The following FHIT variants were observed in gnomAD, a reference collection of about 807,000 sequenced individuals.
The protein encoded by FHIT is bis(5'-adenosyl)-triphosphatase.
A neutral mutation model predicts 17.9 loss-of-function variants in FHIT; 19 were observed. The ratio of observed to expected loss-of-function variants is 1.06; its 90% CI spans 0.74 to 1.56. The LOEUF (loss-of-function observed/expected upper bound fraction) is 1.56. Among genes scored for constraint, FHIT ranks in the 40% most tolerant of loss-of-function variants. The pLI is 0.00. For missense variants in FHIT, 248 were observed against 189.2 expected, an observed-to-expected ratio of 1.31 and a Z score of -1.82; for synonymous variants, 81 against 69.7, an observed-to-expected ratio of 1.16 and a Z score of -0.81.
chr3:60,888,814 T>G, intron 3 of FHIT, among the ~76,000 whole-genome samples: 1 of 152,206 alleles, frequency 6.6e-6, no homozygotes, highest in East Asian at 1.9e-4. Flanking sequence ...ATAGATTCAC[T>G]TGCAGTGGTA....
At chr3:61,123,801 A>C (rs990210647) in intron 2 of FHIT, among the ~76,000 whole-genome samples, 1 of 152,120 alleles carries the variant, frequency 6.6e-6, no homozygotes, top group African/African-American at 2.4e-5. Flanking sequence ...ACATACTCTC[A>C]CCATGGCTGG....
chr3:60,482,905 G>GA (rs1179305748), intron 5 of FHIT, among the ~76,000 whole-genome samples: 1 of 150,996 alleles, frequency 6.6e-6, no homozygotes, highest in Non-Finnish European at 1.5e-5. Context: ...TGGTTTTCTT[G>GA]AAAAAAATAA....
At chr3:60,263,683 G>A (rs533912500) in intron 5 of FHIT, among the ~76,000 whole-genome samples, 40 of 151,920 alleles carry the variant, frequency 2.6e-4, no homozygotes, top group Non-Finnish European at 5.3e-4. Flanking sequence ...AGAGGAGGTG[G>A]AATGCAAAAC....
Position 60,043,610 on chromosome 3 carries a change from C to G in FHIT, c.104-29458G>C, listed in dbSNP as rs564843665. 6.9e-4 allele frequency among the ~76,000 whole-genome samples: 105 copies of G among 152,266 alleles called. 2 individuals are homozygous for G. The highest frequency in any genetic ancestry group is 6.0e-4 in the Non-Finnish European group (41 of 68,016). On this transcript the variant is annotated intron_variant, in intron 5 of 9. Coordinates refer to ENST00000492590, the MANE Select transcript of FHIT (RefSeq NM_002012.4). Reference sequence around the variant, plus strand: ...TAGTGTCTCTTTCAACCTTTTGAACCTGAGCACTTATGACAACTGCCCAGT... The same window carrying G: ...TAGTGTCTCTTTCAACCTTTTGAACGTGAGCACTTATGACAACTGCCCAGT...
At chr3:60,508,052 A>C (rs1267980737) in intron 5 of FHIT, among the ~76,000 whole-genome samples, 2 of 152,174 alleles carry the variant, frequency 1.3e-5, no homozygotes, top group Non-Finnish European at 2.9e-5. Context: ...GGAGTTCTTC[A>C]TCAGTTTGTG....
At chr3:60,321,334 G>C (rs1388218837) in intron 5 of FHIT, among the ~76,000 whole-genome samples, 1 of 152,082 alleles carries the variant, frequency 6.6e-6, no homozygotes, top group Non-Finnish European at 1.5e-5. Flanking sequence ...AAAATAGCCA[G>C]GCGTGGTGGC....
At chr3:61,044,523 T>G (rs2033687286) in intron 2 of FHIT, among the ~76,000 whole-genome samples, 1 of 151,788 alleles carries the variant, frequency 6.6e-6, no homozygotes, top group Admixed American at 6.6e-5. Flanking sequence ...TACCTGAAAG[T>G]GATGAGGAGA....
At chr3:60,809,233 T>C (rs1701495040) in intron 4 of FHIT, among the ~76,000 whole-genome samples, 1 of 152,210 alleles carries the variant, frequency 6.6e-6, no homozygotes, top group Non-Finnish European at 1.5e-5. Flanking sequence ...GTGCAATTTC[T>C]GCATACACTG....
At chr3:61,099,200 A>G (rs2035740937) in intron 2 of FHIT, among the ~76,000 whole-genome samples, 1 of 152,090 alleles carries the variant, frequency 6.6e-6, no homozygotes, top group Non-Finnish European at 1.5e-5. Context: ...GTCTTTAGTT[A>G]TGTTTATGTG....
At chr3:60,963,107 G>A (rs190345219) in intron 3 of FHIT, among the ~76,000 whole-genome samples, 1 of 152,268 alleles carries the variant, frequency 6.6e-6, no homozygotes, top group East Asian at 1.9e-4. Context: ...CAATTTCAGA[G>A]CCTGTTATTG....
At chr3:60,039,556 T>C (rs1032093446) in intron 5 of FHIT, among the ~76,000 whole-genome samples, 6 of 152,182 alleles carry the variant, frequency 3.9e-5, no homozygotes, top group African/African-American at 1.4e-4. Flanking sequence ...GTACAGATAA[T>C]TGAGAGCTGG....
chr3:59,861,170 G>A (rs1454477586), intron 8 of FHIT, among the ~76,000 whole-genome samples: 1 of 152,094 alleles, frequency 6.6e-6, no homozygotes, highest in Admixed American at 6.6e-5. Flanking sequence ...GGTATATAGG[G>A]TAAGTGCAAT....
chr3:60,050,692 C>G (rs1701836452), intron 5 of FHIT, among the ~76,000 whole-genome samples: 1 of 152,172 alleles, frequency 6.6e-6, no homozygotes, highest in East Asian at 1.9e-4. Context: ...TTTTTCATGG[C>G]TTTGCTCACC....
intron 4 of FHIT, among the ~76,000 whole-genome samples, chr3:60,788,306 A>G (rs546490463): frequency 1.3e-5 from 2 of 152,144 alleles, no homozygotes; most frequent in Non-Finnish European, 2.9e-5. Context: ...AACAAAAAAA[A>G]TATTGTAATC....
At chr3:60,824,104 G>C (rs1223540711) in intron 3 of FHIT, among the ~76,000 whole-genome samples, 1 of 152,172 alleles carries the variant, frequency 6.6e-6, no homozygotes, top group Non-Finnish European at 1.5e-5. Context: ...CTTCTGAGCA[G>C]AGGTGAACCA....
intron 4 of FHIT, among the ~76,000 whole-genome samples, chr3:60,708,321 C>A (rs782202799): frequency 2.6e-5 from 4 of 152,114 alleles, no homozygotes; most frequent in Non-Finnish European, 5.9e-5. Flanking sequence ...GATTGACTAA[C>A]CATTACATGG....
intron 4 of FHIT, among the ~76,000 whole-genome samples, chr3:60,581,017 G>A (rs1553659536): frequency 6.6e-6 from 1 of 152,044 alleles, no homozygotes; most frequent in Non-Finnish European, 1.5e-5. Context: ...GTTCTAATAG[G>A]ATTCCAGGTG....
At chr3:60,404,377 A>G (rs1701770711) in intron 5 of FHIT, among the ~76,000 whole-genome samples, 1 of 152,150 alleles carries the variant, frequency 6.6e-6, no homozygotes, top group Admixed American at 6.5e-5. Context: ...GAGACAGAGA[A>G]TCTATTATTT....
intron 5 of FHIT, among the ~76,000 whole-genome samples, chr3:60,362,216 T>C (rs1407773637): frequency 6.6e-6 from 1 of 152,206 alleles, no homozygotes; most frequent in East Asian, 1.9e-4. Flanking sequence ...CAAGAGCAGC[T>C]AAAGTCTACT....
Sources: gnomAD v4.1 joint callset for allele counts (sites outside exome capture counted in the v4.1 genomes callset) on GRCh38, gnomAD v4.1.1 for gene constraint, MANE v1.5 for transcripts, NCBI Gene and HGNC (gene_info 2026-07-23, HGNC 2026-07-21) for gene names.